The following SLC1A4 variants were observed in gnomAD, a reference collection of about 807,000 sequenced individuals.
SLC1A4 encodes the protein solute carrier family 1 member 4.
Under a neutral mutation model 37.7 loss-of-function variants are expected in SLC1A4, and 19 were observed. That is an observed-to-expected ratio of 0.50 (90% CI 0.35 to 0.74). The LOEUF is 0.74. SLC1A4 is among the 30% of genes least tolerant of loss of function. The pLI, the probability that SLC1A4 is intolerant of heterozygous loss-of-function variation, is 0.01. For synonymous variants in SLC1A4, 299 were observed against 309.8 expected (o/e 0.97, Z 0.37); for missense variants, 570 against 712.9 (o/e 0.80, Z 2.28).
chr2:65,016,541 C>G lies in SLC1A4; in HGVS notation c.902C>G (p.Ser301Cys), dbSNP rs964225784. The G allele has an allele frequency of 1.9e-6, 3 of 1,613,958 alleles. No homozygotes were observed. The highest frequency in any genetic ancestry group is 1.3e-5 in the African/African-American group (1 of 74,920). Reference protein sequence around the residue: ...VTSLGKYIFASILGHVIHGGI... With the variant: ...VTSLGKYIFACILGHVIHGGI... ...AGCCTGGGGAAATACATCTTCGCAT[C>G]TATATTGGGCCATGTTATTCATGGA... Residue 301 changes from serine to cysteine, a missense_variant, in exon 5 of 8, where the codon TCT becomes TGT. Coordinates refer to ENST00000234256, the MANE Select transcript of SLC1A4 (RefSeq NM_003038.5).
intron 1 of SLC1A4, among the ~76,000 whole-genome samples, chr2:64,993,689 A>T (rs1673144835): frequency 6.6e-6 from 1 of 152,216 alleles, no homozygotes; most frequent in Non-Finnish European, 1.5e-5. Context: ...GAAACTAGTC[A>T]TTGTGGAACT....
At chr2:65,017,993 C>G (rs1293312272) in intron 5 of SLC1A4, 78 bp from the exon 6 acceptor site, 1 of 1,285,340 alleles carries the variant, frequency 7.8e-7, no homozygotes, top group Non-Finnish European at 1.1e-6. Context: ...TTGCTCTGTT[C>G]TGGGGTCTGA....
rs1313788137 is a variant in SLC1A4 at position 65,013,372 on chromosome 2, G to A, written c.800+2609G>A. On this transcript the variant is annotated intron_variant, in intron 4 of 7. Coordinates refer to ENST00000234256, the MANE Select transcript of SLC1A4 (RefSeq NM_003038.5). ...CGAGAAGCTGGGATTACAGGCATGC[G>A]CCACCACGTCCAGCTAATTTTGTAT... Among the ~76,000 whole-genome samples the A allele has an allele frequency of 3.3e-5, 5 of 152,222 alleles. No homozygotes were observed. In the East Asian group the frequency reaches 5.8e-4, roughly 18 times the overall value.
chr2:64,988,883 G>GA (rs70937390), upstream of SLC1A4, among the ~76,000 whole-genome samples: 1 of 151,672 alleles, frequency 6.6e-6, no homozygotes, highest in African/African-American at 2.4e-5. Flanking sequence ...GCCGCGCGGG[G>GA]CGAAAGCGCC....
At chr2:65,017,097 G>A (rs770177957) in intron 5 of SLC1A4, among the ~76,000 whole-genome samples, 2 of 152,126 alleles carry the variant, frequency 1.3e-5, no homozygotes, top group African/African-American at 2.4e-5. Flanking sequence ...GCCCAGCTGC[G>A]GGTCCCTCAC....
At chr2:64,998,077 C>CA (rs1401593162) in intron 1 of SLC1A4, among the ~76,000 whole-genome samples, 2 of 152,054 alleles carry the variant, frequency 1.3e-5, no homozygotes, top group Admixed American at 1.3e-4. Flanking sequence ...ACTAAAAATA[C>CA]AAAAACAAAA....
intron 3 of SLC1A4, among the ~76,000 whole-genome samples, chr2:65,006,950 C>T (rs1331102482): frequency 6.6e-6 from 1 of 152,164 alleles, no homozygotes; most frequent in Non-Finnish European, 1.5e-5. Context: ...GACCCAGAGG[C>T]TCAAGGACAC....
At chr2:65,014,996 G>A (rs1291650241) in intron 4 of SLC1A4, among the ~76,000 whole-genome samples, 1 of 152,228 alleles carries the variant, frequency 6.6e-6, no homozygotes, top group Non-Finnish European at 1.5e-5. Flanking sequence ...ATATTATTCA[G>A]CCTTAGAAAG....
chr2:65,005,647 T>C (rs557895820), intron 3 of SLC1A4, among the ~76,000 whole-genome samples: 1 of 152,306 alleles, frequency 6.6e-6, no homozygotes, highest in Non-Finnish European at 1.5e-5. Flanking sequence ...TATAAATTAC[T>C]TGAAATGATG....
At chr2:65,017,937 T>C (rs984652487) in intron 5 of SLC1A4, 134 bp from the exon 6 acceptor site, 2 of 700,714 alleles carry the variant, frequency 2.9e-6, no homozygotes, top group Non-Finnish European at 4.7e-6. Flanking sequence ...ATTCTGTTTT[T>C]TCCCTTATTT....
intron 1 of SLC1A4, among the ~76,000 whole-genome samples, chr2:64,992,133 A>G (rs1463344192): frequency 6.6e-6 from 1 of 152,252 alleles, no homozygotes; most frequent in Non-Finnish European, 1.5e-5. Context: ...AGGAAAGGCA[A>G]TAATGGGGTT....
In SLC1A4 at chr2:64,989,877, C is replaced by G. The variant is rs375950011; in HGVS notation, c.234C>G (p.Pro78=). Residue 78 remains proline, a synonymous_variant, in exon 1 of 8, where the codon CCC becomes CCG. Coordinates refer to ENST00000234256, the MANE Select transcript of SLC1A4 (RefSeq NM_003038.5). ...CGCAGGTCACCTACCTGGCCTTCCC[C>G]GGCGAGATGCTGCTCCGCATGCTGC... The part of the protein sequence containing the change: ...SRTQVTYLAF[P]GEMLLRMLRM... The G allele has an allele frequency of 1.6e-4, 249 of 1,544,248 alleles. 1 individual carries two copies. The African/African-American group carries it at 2.9e-3, about 18-fold the overall frequency.
In SLC1A4 at chr2:65,010,578, A is replaced by T; in HGVS notation, c.634-19A>T. On this transcript the variant is annotated intron_variant, in intron 3 of 7. Coordinates refer to ENST00000234256, the MANE Select transcript of SLC1A4 (RefSeq NM_003038.5). ...CACTCATCTGTTGTAAACTTGTTCT[A>T]TCCTCTCTGATCCTGCAGATCCCCA... The T allele has an allele frequency of 1.9e-6, 3 of 1,584,770 alleles. No individual in the cohort carries two copies. The highest frequency in any genetic ancestry group is 2.6e-6 in the Non-Finnish European group (3 of 1,167,504).
rs561552144 is a variant in SLC1A4 at position 65,019,794 on chromosome 2, C to T, written c.1364+1115C>T. On this transcript the variant is annotated intron_variant, in intron 7 of 7. Coordinates refer to ENST00000234256, the MANE Select transcript of SLC1A4 (RefSeq NM_003038.5). ...CTTCCTCACCCAGCCACCTCCTGTG[C>T]GTGGAGAAGAGGCATCAAAGAGGTG... is the stretch of plus-strand genomic sequence containing the variant. Among the ~76,000 whole-genome samples, 5 of 152,264 alleles carry T rather than the reference C, an allele frequency of 3.3e-5. No individual in the cohort carries two copies. In the East Asian group the frequency reaches 9.7e-4, roughly 29 times the overall value.
chr2:64,991,531 G>A (rs1045870134), intron 1 of SLC1A4, among the ~76,000 whole-genome samples: 1 of 150,500 alleles, frequency 6.6e-6, no homozygotes, highest in African/African-American at 2.4e-5. Context: ...AGGCTTCAGC[G>A]ATCCTCCTGC....
chr2:65,006,523 A>G (rs1673680726), intron 3 of SLC1A4, among the ~76,000 whole-genome samples: 2 of 152,142 alleles, frequency 1.3e-5, no homozygotes, highest in Non-Finnish European at 1.5e-5. Flanking sequence ...AAAGAAAGAA[A>G]GAGGAGCAGT....
chr2:65,012,562 T>C (rs2103668451), intron 4 of SLC1A4, among the ~76,000 whole-genome samples: 1 of 152,334 alleles, frequency 6.6e-6, no homozygotes, highest in African/African-American at 2.4e-5. Context: ...ACCAGTGATA[T>C]TTCTCTTCTT....
intron 3 of SLC1A4, among the ~76,000 whole-genome samples, chr2:65,008,062 G>A (rs1267846656): frequency 6.6e-6 from 1 of 152,106 alleles, no homozygotes; most frequent in African/African-American, 2.4e-5. Context: ...TCCCACATAT[G>A]AGAACATGTG....
rs1427484928 is a variant in SLC1A4, at chr2:65,022,214, CT to C, written c.*1069del. 6.6e-6 allele frequency: 1 copy of C among 152,284 alleles called. No individual in the cohort carries two copies. Among genetic ancestry groups the C allele is most frequent in the Non-Finnish European group, 1.5e-5 (1 of 68,050 alleles). 9.4% of individuals were successfully genotyped at this position (152,284 alleles called of 1,614,324 possible). A position where few individuals can be genotyped will look rare whatever the true frequency, so the allele number is the denominator to read the frequency against. ...CCCCATTCACAGGTTCCCAGGTCCC[CT>C]GGCTTTGGCTGATTTCAAAATATAG... On this transcript the variant is annotated 3_prime_UTR_variant, in exon 8 of 8. Transcript: ENST00000234256.
Sources: gnomAD v4.1 joint callset for allele counts (sites outside exome capture counted in the v4.1 genomes callset) on GRCh38, gnomAD v4.1.1 for gene constraint, MANE v1.5 for transcripts, NCBI Gene and HGNC (gene_info 2026-07-23, HGNC 2026-07-21) for gene names.